DIP2B: variants seen among roughly 807,000 people sequenced by gnomAD.
DIP2B encodes the protein disco-interacting protein 2 homolog B.
DIP2B carries 76 observed loss-of-function variants against 198.0 expected under a neutral mutation model. The observed-to-expected ratio is 0.38, with a 90% CI of 0.32 to 0.46. The LOEUF (loss-of-function observed/expected upper bound fraction) is 0.46, where lower values mean the gene tolerates loss of function less well. Ranked by LOEUF, DIP2B falls within the 20% of genes least tolerant of loss-of-function variation. DIP2B has a pLI of 0.99. For missense variants in DIP2B, 1,559 were observed against 1,978.4 expected (o/e 0.79, Z 4.02); for synonymous variants, 701 against 739.1 (o/e 0.95, Z 0.84).
chr12:50,690,421 T>C (rs928374347), intron 12 of DIP2B, among the ~76,000 whole-genome samples: 5 of 152,144 alleles, frequency 3.3e-5, no homozygotes, highest in African/African-American at 1.2e-4. Flanking sequence ...CACAGTGGCA[T>C]ATGCCTGTAG....
At chr12:50,718,491 T>G (rs1211682686) in intron 23 of DIP2B, among the ~76,000 whole-genome samples, 1 of 152,206 alleles carries the variant, frequency 6.6e-6, no homozygotes, top group East Asian at 1.9e-4. Context: ...TACTTTGCAC[T>G]ATTTATGTTT....
intron 3 of DIP2B, among the ~76,000 whole-genome samples, chr12:50,656,488 A>G (rs140031996): frequency 6.6e-6 from 1 of 152,380 alleles, no homozygotes; most frequent in African/African-American, 2.4e-5. Flanking sequence ...AAATAATGAT[A>G]GTAACAGAAT....
In DIP2B at chr12:50,691,195, A is replaced by G. The variant is rs997608778; in HGVS notation, c.1654+44A>G. ...ACTGCCCTCATTGTTACCTTCAGAG[A>G]TGTGTGACTGTGAGCACAATGCTCA... On this transcript the variant is annotated intron_variant, in intron 13 of 37. Transcript: ENST00000301180. 13 of 1,545,044 alleles carry G rather than the reference A, an allele frequency of 8.4e-6. No homozygotes were observed. The East Asian group carries it at 2.9e-4, about 35-fold the overall frequency.
chr12:50,524,717 G>A lies in DIP2B; in HGVS notation c.100+19477G>A, dbSNP rs146258889. Among the ~76,000 whole-genome samples the A allele has an allele frequency of 3.1e-4, 47 of 152,294 alleles. 1 individual carries two copies. Among genetic ancestry groups the A allele is most frequent in the Admixed American group, 5.2e-4 (8 of 15,296 alleles). On this transcript the variant is annotated intron_variant, in intron 1 of 37. Transcript: ENST00000301180. ...TGTAGCTGTAGACAGAGAATAACAAGTAATATGTATTGCTTGTTAGATGGT... is the reference window on the plus strand; with the variant it reads ...TGTAGCTGTAGACAGAGAATAACAAATAATATGTATTGCTTGTTAGATGGT...
At chr12:50,664,400 T>C (rs1479045401) in intron 4 of DIP2B, among the ~76,000 whole-genome samples, 1 of 152,224 alleles carries the variant, frequency 6.6e-6, no homozygotes, top group African/African-American at 2.4e-5. Context: ...ATTCTCTAAA[T>C]TGGTAGCAAT....
Position 50,693,151 on chromosome 12 carries a change from AT to A in DIP2B, c.1719+139del, listed in dbSNP as rs376015348. 9.1e-4 allele frequency: 689 copies of A among 754,164 alleles called. 3 individuals carry two copies. The African/African-American group carries it at 0.011, about 12-fold the overall frequency. The allele number at this position is 754,164 out of a possible 1,614,324, so 46.7% of individuals were successfully genotyped here. A position where few individuals can be genotyped will look rare whatever the true frequency, so the allele number is the denominator to read the frequency against. Reference sequence around the variant, plus strand: ...GTCAGTAATATTTTCCAGAGGCTATATAACCTTTCCACTGGACAGAATGTTT... The same window carrying A: ...GTCAGTAATATTTTCCAGAGGCTATAAACCTTTCCACTGGACAGAATGTTT... On this transcript the variant is annotated intron_variant, in intron 14 of 37. Transcript: ENST00000301180.
chr12:50,673,936 C>T (rs992090926), intron 5 of DIP2B, among the ~76,000 whole-genome samples: 21 of 151,968 alleles, frequency 1.4e-4, no homozygotes, highest in African/African-American at 4.3e-4. Context: ...TTGTATAATC[C>T]GTAGGTAAAA....
chr12:50,723,628 G>A (rs1332467252), intron 27 of DIP2B, among the ~76,000 whole-genome samples: 2 of 152,166 alleles, frequency 1.3e-5, no homozygotes, highest in East Asian at 1.9e-4. Flanking sequence ...GCACTTGCCT[G>A]TAGTTCCAGC....
intron 14 of DIP2B, among the ~76,000 whole-genome samples, chr12:50,693,717 T>C (rs1218106038): frequency 6.6e-6 from 1 of 152,196 alleles, no homozygotes; most frequent in Non-Finnish European, 1.5e-5. Context: ...GTAAGAAGAA[T>C]CTCTTCTCTG....
chr12:50,530,474 A>G (rs1475834743), intron 1 of DIP2B, among the ~76,000 whole-genome samples: 2 of 152,206 alleles, frequency 1.3e-5, no homozygotes, highest in South Asian at 2.1e-4. Context: ...GCAGGAGTGG[A>G]TGACATCTGT....
chr12:50,743,549 G>A (rs532595694), intron 37 of DIP2B: 4 of 152,282 alleles, frequency 2.6e-5, no homozygotes, highest in African/African-American at 4.8e-5. Context: ...TTCCTGTTGG[G>A]TTTAAGAATA....
intron 1 of DIP2B, among the ~76,000 whole-genome samples, chr12:50,538,272 G>A (rs1270600379): frequency 6.6e-6 from 1 of 152,140 alleles, no homozygotes; most frequent in Admixed American, 6.6e-5. Context: ...TTGGTGTGGG[G>A]ATAAAGGGAA....
intron 1 of DIP2B, among the ~76,000 whole-genome samples, chr12:50,611,771 C>T (rs1959034200): frequency 6.6e-6 from 1 of 152,226 alleles, no homozygotes; most frequent in African/African-American, 2.4e-5. Context: ...TATTTAGTCT[C>T]TGCCCCTCTC....
At chr12:50,736,337 T>C in intron 34 of DIP2B, among the ~76,000 whole-genome samples, 1 of 152,200 alleles carries the variant, frequency 6.6e-6, no homozygotes, top group East Asian at 1.9e-4. Flanking sequence ...CCTTGAGGTT[T>C]TAGATGTTTG....
intron 1 of DIP2B, among the ~76,000 whole-genome samples, chr12:50,532,742 T>C (rs1958229572): frequency 6.6e-6 from 1 of 151,966 alleles, no homozygotes; most frequent in African/African-American, 2.4e-5. Context: ...AGGGTGTGGT[T>C]TGACCTGAGA....
chr12:50,578,050 C>T (rs956565258), intron 1 of DIP2B, among the ~76,000 whole-genome samples: 11 of 152,220 alleles, frequency 7.2e-5, no homozygotes, highest in African/African-American at 2.4e-4. Context: ...GGGTCTGGCT[C>T]TGCCAGGCTG....
intron 1 of DIP2B, among the ~76,000 whole-genome samples, chr12:50,562,988 A>G (rs979878963): frequency 4.6e-5 from 7 of 152,210 alleles, no homozygotes; most frequent in Non-Finnish European, 1.0e-4. Context: ...AGCTGCCACA[A>G]AAAACCTATA....
chr12:50,607,750 C>T (rs565314442), intron 1 of DIP2B, among the ~76,000 whole-genome samples: 6 of 152,306 alleles, frequency 3.9e-5, no homozygotes, highest in Admixed American at 3.3e-4. Context: ...AGAGGAAACA[C>T]ATCATTCCTC....
chr12:50,670,817 A>C (rs1938839670), intron 4 of DIP2B, among the ~76,000 whole-genome samples: 2 of 152,262 alleles, frequency 1.3e-5, no homozygotes, highest in Admixed American at 6.5e-5. Flanking sequence ...ATGTAGCAAC[A>C]TACCACAAGA....
Sources: allele counts gnomAD v4.1 joint callset (sites outside exome capture counted in the v4.1 genomes callset), GRCh38; gene constraint gnomAD v4.1.1; transcripts MANE v1.5; gene names NCBI Gene and HGNC (gene_info 2026-07-23, HGNC 2026-07-21).